The following STK17B variants were observed in gnomAD, a reference collection of about 807,000 sequenced individuals.
The protein encoded by STK17B is serine/threonine kinase 17b, also known as serine/threonine-protein kinase 17B.
STK17B carries 21 observed loss-of-function variants against 42.0 expected under a neutral mutation model. That is an observed-to-expected ratio of 0.50 (90% CI 0.35 to 0.72). The LOEUF (loss-of-function observed/expected upper bound fraction) is 0.72, where lower values mean the gene tolerates loss of function less well. Among genes scored for constraint, STK17B ranks in the 30% least tolerant of loss-of-function variants. STK17B has a pLI of 0.00. For missense variants in STK17B, 349 were observed against 446.0 expected, an observed-to-expected ratio of 0.78 and a Z score of 1.96; for synonymous variants, 143 against 148.4, an observed-to-expected ratio of 0.96 and a Z score of 0.26.
In STK17B at chr2:196,140,184, C is replaced by T. The variant is rs187401013; in HGVS notation, c.657-385G>A. The stretch of plus-strand genomic sequence containing the variant: ...GCACAAATAGAGGCTGCAAGTTTGG[C>T]GAAGCACAAAGCTGGGCAGGCAAAT... On this transcript the variant is annotated intron_variant, in intron 6 of 7. Coordinates refer to ENST00000263955, the MANE Select transcript of STK17B (RefSeq NM_004226.4). Among the ~76,000 whole-genome samples the T allele has an allele frequency of 1.9e-4, 29 of 152,288 alleles. No individual in the cohort carries two copies. In the East Asian group the frequency reaches 1.9e-3, roughly 10 times the overall value.
At chr2:196,161,322 T>C (rs1396095301) in intron 2 of STK17B, among the ~76,000 whole-genome samples, 2 of 151,862 alleles carry the variant, frequency 1.3e-5, no homozygotes, top group African/African-American at 4.8e-5. Context: ...TTTCTTCCTA[T>C]TATAATGCAA....
chr2:196,174,012 A>T (rs1003737862), upstream of STK17B, among the ~76,000 whole-genome samples: 1 of 152,184 alleles, frequency 6.6e-6, no homozygotes, highest in Non-Finnish European at 1.5e-5. Flanking sequence ...CCCTGTGAGG[A>T]CATAACAAGA....
At chr2:196,153,244 A>G (rs1384298807) in intron 3 of STK17B, 2 of 102,280 alleles carry the variant, frequency 2.0e-5, no homozygotes, top group African/African-American at 6.6e-5. Flanking sequence ...TCTAAGTGCA[A>G]AAACAATGTC....
intron 3 of STK17B, among the ~76,000 whole-genome samples, chr2:196,149,638 C>T (rs903141077): frequency 2.0e-5 from 3 of 152,144 alleles, no homozygotes; most frequent in African/African-American, 7.2e-5. Flanking sequence ...AAGATGCACA[C>T]ACTATATTCT....
intron 1 of STK17B, 99 bp downstream of exon 1, chr2:196,171,234 C>G (rs991708577): frequency 6.6e-6 from 1 of 152,296 alleles, no homozygotes; most frequent in East Asian, 1.9e-4. Flanking sequence ...CGCCTAAACC[C>G]TCCTCGGGTC....
chr2:196,161,845 A>G (rs1235193170), intron 2 of STK17B, among the ~76,000 whole-genome samples: 1 of 152,114 alleles, frequency 6.6e-6, no homozygotes, highest in Non-Finnish European at 1.5e-5. Context: ...TTGCAAAAGA[A>G]AGGCTGCATC....
intron 3 of STK17B, 91 bp from the exon 4 acceptor site, chr2:196,146,146 C>T: frequency 7.6e-7 from 1 of 1,316,098 alleles, no homozygotes; most frequent in South Asian, 1.6e-5. Flanking sequence ...AGACATACAA[C>T]TATATAAATG....
At chr2:196,170,948 T>G (rs1319976265) in intron 1 of STK17B, 2 of 152,120 alleles carry the variant, frequency 1.3e-5, no homozygotes, top group Non-Finnish European at 2.9e-5. Context: ...GGCCTTGCTG[T>G]GGAAGGGACC....
chr2:196,150,023 C>T (rs1248985315), intron 3 of STK17B, among the ~76,000 whole-genome samples: 3 of 151,472 alleles, frequency 2.0e-5, no homozygotes, highest in Admixed American at 6.6e-5. Flanking sequence ...ACAGAAAATA[C>T]GAAAATTAGG....
chr2:196,156,631 C>G lies in STK17B; in HGVS notation c.143G>C (p.Arg48Thr), dbSNP rs1351414204. 2.5e-6 allele frequency: 4 copies of G among 1,611,314 alleles called. No homozygotes were observed. The highest frequency in any genetic ancestry group is 1.3e-5 in the African/African-American group (1 of 74,692). ...ELGRGKFAVV[R>T]QCISKSTGQE... ...GCCAGTAGATTTTGATATACATTGT[C>G]TAACCACAGCAAATTTTCCTCTGGG... Residue 48 changes from arginine to threonine, a missense_variant, in exon 3 of 8, where the codon AGA (arginine) becomes ACA (threonine). Transcript: ENST00000263955.
intron 4 of STK17B, among the ~76,000 whole-genome samples, chr2:196,145,185 C>T (rs1011992880): frequency 2.0e-5 from 3 of 150,512 alleles, no homozygotes; most frequent in Admixed American, 1.3e-4. Flanking sequence ...TTTGAAAAAG[C>T]GGTAAGAGGA....
intron 1 of STK17B, among the ~76,000 whole-genome samples, chr2:196,165,343 T>C (rs1559416650): frequency 6.6e-6 from 1 of 152,198 alleles, no homozygotes. Flanking sequence ...AATATACTTC[T>C]GTTAAGTCGC....
Position 196,139,259 on chromosome 2 carries a change from C to T in STK17B, c.836+361G>A, listed in dbSNP as rs558769536. Among the ~76,000 whole-genome samples the T allele has an allele frequency of 8.5e-5, 13 of 152,270 alleles. No homozygotes were observed. In the East Asian group the frequency reaches 2.1e-3, roughly 25 times the overall value. On this transcript the variant is annotated intron_variant, in intron 7 of 7. Coordinates refer to ENST00000263955, the MANE Select transcript of STK17B (RefSeq NM_004226.4). The stretch of plus-strand genomic sequence containing the variant: ...GATTACAGGCGTGAGCCACCGCGCC[C>T]GGCCGTAAAATCATTAAACTGTAAA...
upstream of STK17B, among the ~76,000 whole-genome samples, chr2:196,175,022 G>A: frequency 6.6e-6 from 1 of 152,152 alleles, no homozygotes; most frequent in East Asian, 1.9e-4. Flanking sequence ...CAAAAGAAAT[G>A]CCACGCACAT....
At chr2:196,151,946 G>T (rs543005847) in intron 3 of STK17B, among the ~76,000 whole-genome samples, 11 of 152,244 alleles carry the variant, frequency 7.2e-5, no homozygotes, top group African/African-American at 2.6e-4. Flanking sequence ...TGACAAGCAG[G>T]TTGCAAGAAT....
At chr2:196,165,352 G>A (rs997050865) in intron 1 of STK17B, among the ~76,000 whole-genome samples, 2 of 152,100 alleles carry the variant, frequency 1.3e-5, no homozygotes, top group African/African-American at 4.8e-5. Context: ...CTGTTAAGTC[G>A]CCTGATCTGC....
rs993965364 is a variant in STK17B, at chr2:196,151,085, G to T, written c.336-5030C>A. ...TTACAGTCTCCATCCTTTTCTGTTG[G>T]GTACTTAATATTTACTTAGAGATGT... On this transcript the variant is annotated intron_variant, in intron 3 of 7. Coordinates refer to ENST00000263955, the MANE Select transcript of STK17B (RefSeq NM_004226.4). Among the ~76,000 whole-genome samples the T allele has an allele frequency of 3.3e-5, 5 of 152,032 alleles. No individual in the cohort carries two copies. The East Asian group carries it at 9.6e-4, about 29-fold the overall frequency.
At chr2:196,156,750 T>C in intron 2 of STK17B, 99 bp from the exon 3 acceptor site, 1 of 868,372 alleles carries the variant, frequency 1.2e-6, no homozygotes, top group Non-Finnish European at 1.8e-6. Flanking sequence ...GTCAATTCTT[T>C]GAAATATCTG....
At chr2:196,163,498 C>A (rs891769016) in intron 1 of STK17B, 71 bp from the exon 2 acceptor site, 10 of 1,090,678 alleles carry the variant, frequency 9.2e-6, no homozygotes, top group African/African-American at 3.3e-5. Context: ...TACACAGCTC[C>A]AAATATAGCT....
Sources: allele counts gnomAD v4.1 joint callset (sites outside exome capture counted in the v4.1 genomes callset), GRCh38; gene constraint gnomAD v4.1.1; transcripts MANE v1.5; gene names NCBI Gene and HGNC (gene_info 2026-07-23, HGNC 2026-07-21).